Variants in ANO4 observed in about 807,000 individuals in gnomAD.
ANO4 encodes the protein anoctamin-4.
A neutral mutation model predicts 141.9 loss-of-function variants in ANO4; 69 were observed. That is an observed-to-expected ratio of 0.49 (90% CI 0.40 to 0.59). ANO4 has a LOEUF of 0.59. ANO4 is among the 20% of genes least tolerant of loss of function. The pLI, the probability that ANO4 is intolerant of heterozygous loss-of-function variation, is 0.00. For synonymous variants in ANO4, 350 were observed against 394.3 expected (o/e 0.89, Z 1.33); for missense variants, 894 against 1,162.2 (o/e 0.77, Z 3.36).
At chr12:100,915,051 T>C (rs2041274832) in intron 2 of ANO4, among the ~76,000 whole-genome samples, 3 of 152,014 alleles carry the variant, frequency 2.0e-5, no homozygotes, top group Admixed American at 2.0e-4. Flanking sequence ...GAACTTCTGG[T>C]CTCAAGCAGT....
chr12:100,809,321 A>T (rs1490381797), intron 1 of ANO4, among the ~76,000 whole-genome samples: 1 of 151,668 alleles, frequency 6.6e-6, no homozygotes, highest in East Asian at 1.9e-4. Flanking sequence ...CAGGAGGCTG[A>T]GATTGCAGTC....
At chr12:100,873,864 A>T (rs2039157926) in intron 1 of ANO4, among the ~76,000 whole-genome samples, 3 of 152,200 alleles carry the variant, frequency 2.0e-5, no homozygotes, top group Admixed American at 1.3e-4. Context: ...TCCTCCCATC[A>T]TAGGGTCAGA....
At chr12:100,757,325 G>A (rs2032656047) in intron 3 of ANO4, among the ~76,000 whole-genome samples, 1 of 152,098 alleles carries the variant, frequency 6.6e-6, no homozygotes, top group African/African-American at 2.4e-5. Context: ...CCATATGGCT[G>A]TCGACTTAAT....
At chr12:101,051,121 A>G (rs1224201835) in intron 14 of ANO4, among the ~76,000 whole-genome samples, 1 of 152,212 alleles carries the variant, frequency 6.6e-6, no homozygotes, top group Non-Finnish European at 1.5e-5. Flanking sequence ...ACTCTCCCCC[A>G]CTACCTCCAT....
chr12:100,918,819 T>G (rs963824743), intron 2 of ANO4, among the ~76,000 whole-genome samples: 1 of 152,092 alleles, frequency 6.6e-6, no homozygotes, highest in Non-Finnish European at 1.5e-5. Flanking sequence ...AAAAAAAAAG[T>G]TAACTTTAAG....
At chr12:100,778,670 C>T (rs1257435024) in intron 3 of ANO4, among the ~76,000 whole-genome samples, 1 of 152,134 alleles carries the variant, frequency 6.6e-6, no homozygotes. Context: ...ACCTCTCTTG[C>T]CCAAAGTTCT....
intron 3 of ANO4, among the ~76,000 whole-genome samples, chr12:100,777,919 ATTTT>A (rs373496240): frequency 3.0e-5 from 4 of 134,892 alleles, no homozygotes; most frequent in Admixed American, 7.5e-5. Flanking sequence ...AATGCTTACA[ATTTT>A]TTTTTTTTTT....
chr12:100,927,478 C>T (rs1000356462), intron 3 of ANO4, among the ~76,000 whole-genome samples: 2 of 151,954 alleles, frequency 1.3e-5, no homozygotes, highest in African/African-American at 2.4e-5. Context: ...TTTTTAATCA[C>T]CAAAGTTTTC....
chr12:100,798,675 G>A (rs2034495078), intron 1 of ANO4, among the ~76,000 whole-genome samples: 1 of 152,180 alleles, frequency 6.6e-6, no homozygotes, highest in African/African-American at 2.4e-5. Flanking sequence ...GAGGGAGATG[G>A]CAGAATTTTG....
At chr12:100,725,730 A>G (rs2031088341) in intron 1 of ANO4, among the ~76,000 whole-genome samples, 1 of 152,346 alleles carries the variant, frequency 6.6e-6, no homozygotes, top group African/African-American at 2.4e-5. Flanking sequence ...ATAATCAAGC[A>G]ATTATAAGAA....
intron 3 of ANO4, among the ~76,000 whole-genome samples, chr12:100,768,178 A>G (rs2033162994): frequency 2.0e-5 from 3 of 152,194 alleles, no homozygotes; most frequent in African/African-American, 7.2e-5. Context: ...TCCTGGGGCC[A>G]TAGGGGCTGG....
intron 2 of ANO4, among the ~76,000 whole-genome samples, chr12:100,905,500 A>G (rs2040804447): frequency 6.6e-6 from 1 of 152,334 alleles, no homozygotes; most frequent in East Asian, 1.9e-4. Context: ...AAAGTCAAAT[A>G]AGATGAGGAC....
Position 100,860,356 on chromosome 12 carries a change from T to C in ANO4, c.-140-41290T>C, listed in dbSNP as rs528953072. Among the ~76,000 whole-genome samples, 7 of 152,312 alleles carry C rather than the reference T, an allele frequency of 4.6e-5. 1 individual carries two copies. The South Asian group carries it at 1.4e-3, about 32-fold the overall frequency. On this transcript the variant is annotated intron_variant, in intron 1 of 27. Coordinates refer to ENST00000392977, the MANE Select transcript of ANO4 (RefSeq NM_001286615.2). The stretch of plus-strand genomic sequence containing the variant: ...GGTTTTAAAACTGCCTAATACATGT[T>C]ATTCTAAGGTGTTGGGAAATTATCA...
intron 3 of ANO4, among the ~76,000 whole-genome samples, chr12:100,925,234 A>G (rs912868455): frequency 5.3e-5 from 8 of 152,058 alleles, no homozygotes; most frequent in Admixed American, 1.3e-4. Flanking sequence ...GAAATCTCCA[A>G]GCATAAAAAT....
chr12:100,733,801 A>C, exon 2 of ANO4: 2 of 702,268 alleles, frequency 2.8e-6, no homozygotes, highest in South Asian at 3.0e-5. Flanking sequence ...GGAAGTTATA[A>C]CCTTTCCTCT....
intron 1 of ANO4, among the ~76,000 whole-genome samples, chr12:100,829,926 T>G (rs1244086600): frequency 4.6e-5 from 7 of 152,088 alleles, no homozygotes; most frequent in Admixed American, 4.6e-4. Context: ...GTTCACAGTT[T>G]GTGTAAGAAC....
chr12:100,922,119 C>A, intron 2 of ANO4, 107 bp from the exon 3 acceptor site: 1 of 647,498 alleles, frequency 1.5e-6, no homozygotes, highest in Non-Finnish European at 2.3e-6. Flanking sequence ...CATTGGCAAA[C>A]CAGCTAGCCA....
At chr12:100,797,032 A>G (rs2034369096) in intron 1 of ANO4, among the ~76,000 whole-genome samples, 1 of 152,148 alleles carries the variant, frequency 6.6e-6, no homozygotes, top group Non-Finnish European at 1.5e-5. Context: ...GCCTTGAGAA[A>G]AAACATTATT....
At chr12:100,962,856 G>A (rs1592852027) in intron 5 of ANO4, among the ~76,000 whole-genome samples, 1 of 152,190 alleles carries the variant, frequency 6.6e-6, no homozygotes, top group Non-Finnish European at 1.5e-5. Context: ...GGCTGTTGCA[G>A]TATTCAAGAA....
Sources: allele counts gnomAD v4.1 joint callset (sites outside exome capture counted in the v4.1 genomes callset), GRCh38; gene constraint gnomAD v4.1.1; transcripts MANE v1.5; gene names NCBI Gene and HGNC (gene_info 2026-07-23, HGNC 2026-07-21).